RP1L1: variants seen among roughly 807,000 people sequenced by gnomAD.
RP1L1 encodes the protein retinitis pigmentosa 1-like 1 protein.
In RP1L1, 27 loss-of-function variants were observed where a neutral mutation model predicts 15.7. The ratio of observed to expected loss-of-function variants is 1.72; its 90% confidence interval spans 1.27 to 2.38. RP1L1 has a LOEUF of 2.38. RP1L1 is among the 30% of genes most tolerant of loss of function. The probability of loss-of-function intolerance (pLI) is 0.00; values close to 1 mark genes in which losing one functional copy is unlikely to be tolerated. For missense variants in RP1L1, 4,798 were observed against 3,075.9 expected, an observed-to-expected ratio of 1.56 and a Z score of -13.24; for synonymous variants, 1,813 against 1,276.7, an observed-to-expected ratio of 1.42 and a Z score of -8.96.
intron 2 of RP1L1, among the ~76,000 whole-genome samples, chr8:10,618,451 G>A (rs1798006584): frequency 6.6e-6 from 1 of 152,200 alleles, no homozygotes; most frequent in South Asian, 2.1e-4. Context: ...AGGATGCAGT[G>A]AGCTAAGATC....
At position 10,608,342 on chromosome 8, in the gene RP1L1, G is replaced by A. The variant is rs778066173; in HGVS notation, c.5756C>T (p.Thr1919Ile). Residue 1919 changes from threonine to isoleucine, a missense_variant, in exon 4 of 4, where the codon ACA becomes ATA. Physicochemically the swap from Thr to Ile is moderately conservative, Grantham distance 89. Transcript: ENST00000382483. The stretch of plus-strand genomic sequence containing the variant: ...AGTCTCCAGGGCCTCTACACTTTCT[G>A]TCTCTGGCTGGGCCTCCTTTTCTGC... ...PEAEKEAQPE[T>I]ESVEALETEG... The A allele has an allele frequency of 1.9e-6, 3 of 1,610,322 alleles. No individual in the cohort carries two copies. The South Asian group carries it at 3.3e-5, about 18-fold the overall frequency.
intron 2 of RP1L1, among the ~76,000 whole-genome samples, chr8:10,619,540 G>A (rs1174028053): frequency 6.6e-6 from 1 of 152,078 alleles, no homozygotes; most frequent in Non-Finnish European, 1.5e-5. Flanking sequence ...GACATTCTGG[G>A]AATCTTTTCC....
intron 1 of RP1L1, among the ~76,000 whole-genome samples, chr8:10,631,278 TGCACACACACGCACACAAACAC>T (rs1798239388): frequency 7.6e-6 from 1 of 131,644 alleles, no homozygotes; most frequent in African/African-American, 2.9e-5. Flanking sequence ...CAAACACGCA[TGCACACACACGCACACAAACAC>T]GCATGCACAC....
At position 10,622,858 on chromosome 8, in the gene RP1L1, C is replaced by A; in HGVS notation, c.344G>T (p.Gly115Val). 6.2e-7 allele frequency: 1 copy of A among 1,613,112 alleles called. No homozygotes were observed. Among genetic ancestry groups the A allele is most frequent in the Non-Finnish European group, 8.5e-7 (1 of 1,179,356 alleles). ...GTTTCTCTCCTGTGGCCGGCCTGGT[C>A]CACTGGGGGTCTTGGGGGGCTTCTT... The part of the protein sequence containing the change: ...SDKKPPKTPS[G>V]PGRPQERNPT... The change falls in exon 2 of 4, where the codon GGA becomes GTA. Residue 115 changes from glycine (G) to valine (V), a missense_variant. Coordinates refer to ENST00000382483, the MANE Select transcript of RP1L1 (RefSeq NM_178857.6).
intron 1 of RP1L1, among the ~76,000 whole-genome samples, chr8:10,625,848 G>A (rs980844450): frequency 2.0e-5 from 3 of 152,056 alleles, no homozygotes; most frequent in African/African-American, 4.8e-5. Flanking sequence ...AAACCCCAGG[G>A]TCCACTTGTA....
Position 10,611,283 on chromosome 8 carries a change from C to T in RP1L1, c.2815G>A (p.Glu939Lys). ...GAGCTGGGTGACACACCACTGGCCTCCTCCTGCCCCTGGGGGCCTCCCCCA... is the reference window on the plus strand; with the variant it reads ...GAGCTGGGTGACACACCACTGGCCTTCTCCTGCCCCTGGGGGCCTCCCCCA... ...RSGGGPQGQE[E>K]ASGVSPSSLP... Residue 939 changes from glutamate (E) to lysine (K), a missense_variant, in exon 4 of 4, where the codon GAG becomes AAG. Transcript: ENST00000382483. 3 of 1,613,044 alleles carry T rather than the reference C, an allele frequency of 1.9e-6. No homozygotes were observed. The highest frequency in any genetic ancestry group is 8.5e-7 in the Non-Finnish European group (1 of 1,180,022).
intron 2 of RP1L1, among the ~76,000 whole-genome samples, chr8:10,620,699 T>G (rs549005113): frequency 1.0e-3 from 154 of 152,280 alleles, no homozygotes; most frequent in African/African-American, 3.3e-3. Context: ...AATGAGCCAA[T>G]AGGCAACAAG....
rs764930737 is a variant in RP1L1 at position 10,609,339 on chromosome 8, C to T, written c.4759G>A (p.Val1587Met). The T allele has an allele frequency of 6.2e-7, 1 of 1,612,272 alleles. No individual in the cohort carries two copies. The highest frequency in any genetic ancestry group is 1.7e-5 in the Admixed American group (1 of 59,996). ...AGGGCCTCCCTTGGAGGCTCCAGCACCATCCTACCCGCCCGGCCCTGGAGC... is the reference window on the plus strand; with the variant it reads ...AGGGCCTCCCTTGGAGGCTCCAGCATCATCCTACCCGCCCGGCCCTGGAGC... ...QKLQGRAGRM[V>M]LEPPREALTG... Residue 1587 changes from valine (V) to methionine (M), a missense_variant, in exon 4 of 4, where the codon GTG becomes ATG. Transcript: ENST00000382483.
At position 10,607,094 on chromosome 8, in the gene RP1L1, T is replaced by C. The variant is rs117007660; in HGVS notation, c.7004A>G (p.His2335Arg). 60,516 of 1,614,204 alleles carry C rather than the reference T, an allele frequency of 0.037. 1,314 individuals carry two copies. The highest frequency in any genetic ancestry group is 0.047 in the Middle Eastern group (286 of 6,062). ...CATCCTGGTGGCCTTCCTCTCTGCA[T>C]GAGGGGTCCCCGTGGACTTGGCATC... ...SPDAKSTGTP[H>R]AERKATRMYP... Residue 2335 changes from histidine to arginine, a missense_variant, in exon 4 of 4, where the codon CAT (histidine) becomes CGT (arginine). Coordinates refer to ENST00000382483, the MANE Select transcript of RP1L1 (RefSeq NM_178857.6).
intron 1 of RP1L1, among the ~76,000 whole-genome samples, chr8:10,642,023 C>A (rs182920018): frequency 6.6e-6 from 1 of 152,062 alleles, no homozygotes; most frequent in East Asian, 1.9e-4. Context: ...TTGACCGGAT[C>A]AATGGTCAAT....
In RP1L1 at chr8:10,608,295, A is replaced by C. The variant is rs1004561677; in HGVS notation, c.5803T>G (p.Ser1935Ala). 19 of 1,571,924 alleles carry C rather than the reference A, an allele frequency of 1.2e-5. No individual in the cohort carries two copies. Among genetic ancestry groups the C allele is most frequent in the African/African-American group, 7.8e-5 (5 of 64,274 alleles). Residue 1935 changes from serine to alanine, a missense_variant, in exon 4 of 4, where the codon TCA becomes GCA. Ser to Ala is a moderately conservative substitution (Grantham distance 99). Coordinates refer to ENST00000382483, the MANE Select transcript of RP1L1 (RefSeq NM_178857.6). Reference sequence around the variant, plus strand: ...GCCTCTTGGGCCTCTGCACCTTCTGACTCTGGCTCGTCCTCCCCTTCAGTC... The same window carrying C: ...GCCTCTTGGGCCTCTGCACCTTCTGCCTCTGGCTCGTCCTCCCCTTCAGTC... ...LETEGEDEPE[S>A]EGAEAQEAEE...
intron 3 of RP1L1, among the ~76,000 whole-genome samples, chr8:10,615,537 G>C (rs1357617656): frequency 6.6e-6 from 1 of 152,282 alleles, no homozygotes; most frequent in South Asian, 2.1e-4. Context: ...GGCCACTGTA[G>C]TTGTTTCTTT....
intron 1 of RP1L1, among the ~76,000 whole-genome samples, chr8:10,644,351 C>A (rs1449363537): frequency 2.0e-5 from 3 of 152,030 alleles, no homozygotes; most frequent in Admixed American, 2.0e-4. Context: ...TGCTGAAATT[C>A]TGTGACCCTA....
At chr8:10,630,842 C>T (rs1798229435) in intron 1 of RP1L1, among the ~76,000 whole-genome samples, 2 of 152,244 alleles carry the variant, frequency 1.3e-5, no homozygotes, top group African/African-American at 4.8e-5. Flanking sequence ...CTTGCCAACA[C>T]GTGGTGTTAA....
chr8:10,614,112 C>T (rs56015330), intron 3 of RP1L1, among the ~76,000 whole-genome samples: 2,826 of 152,274 alleles, frequency 0.019, 99 homozygotes, highest in African/African-American at 0.064. Flanking sequence ...GATCTTGCTC[C>T]TGGCCCTCCT....
chr8:10,616,465 C>T lies in RP1L1; in HGVS notation c.732G>A (p.Leu244=), dbSNP rs372793599. ...RRSEAETLSG[L]TSRNKNGSWG... ...ACTCACCGTTTTTGTTTCTTGAAGT[C>T]AGCCCAGATAAAGTTTCAGCCTCGC... Residue 244 remains leucine (L), a synonymous_variant, in exon 3 of 4, where the codon CTG becomes CTA. Coordinates refer to ENST00000382483, the MANE Select transcript of RP1L1 (RefSeq NM_178857.6). 1.1e-5 allele frequency: 18 copies of T among 1,614,228 alleles called. No homozygotes were observed. Among genetic ancestry groups the T allele is most frequent in the Non-Finnish European group, 1.2e-5 (14 of 1,180,038 alleles).
chr8:10,616,354 G>A, intron 3 of RP1L1, 92 bp downstream of exon 3: 1 of 1,556,138 alleles, frequency 6.4e-7, no homozygotes, highest in South Asian at 1.1e-5. Flanking sequence ...CCAAAGGGAA[G>A]TTTCCTGAAT....
At chr8:10,650,675 C>T (rs1221264313) in intron 1 of RP1L1, among the ~76,000 whole-genome samples, 2 of 152,010 alleles carry the variant, frequency 1.3e-5, no homozygotes, top group African/African-American at 2.4e-5. Flanking sequence ...TCTTCTTCTG[C>T]CTCAGCCTCC....
Position 10,609,415 on chromosome 8 carries a change from C to A in RP1L1, c.4683G>T (p.Gln1561His). The part of the protein sequence containing the change: ...DLLDQMAAEL[Q>H]QDVAQRLQDS... ...CCTGGAGGCGTTGGGCCACGTCCTGCTGCAGCTCGGCCGCCATCTGGTCCA... is the reference window on the plus strand; with the variant it reads ...CCTGGAGGCGTTGGGCCACGTCCTGATGCAGCTCGGCCGCCATCTGGTCCA... The change falls in exon 4 of 4, where the codon CAG (glutamine) becomes CAT (histidine). Residue 1561 changes from glutamine to histidine, a missense_variant. By Grantham distance (24) the Gln-to-His change is conservative. Coordinates refer to ENST00000382483, the MANE Select transcript of RP1L1 (RefSeq NM_178857.6). 2.5e-6 allele frequency: 4 copies of A among 1,612,352 alleles called. No homozygotes were observed. Among genetic ancestry groups the A allele is most frequent in the Non-Finnish European group, 3.4e-6 (4 of 1,179,926 alleles).
Sources: gnomAD v4.1 joint callset for allele counts (sites outside exome capture counted in the v4.1 genomes callset) on GRCh38, gnomAD v4.1.1 for gene constraint, MANE v1.5 for transcripts, NCBI Gene and HGNC (gene_info 2026-07-23, HGNC 2026-07-21) for gene names.